The following CAMTA1 variants were observed in gnomAD, a reference collection of about 807,000 sequenced individuals.
The protein encoded by CAMTA1 is calmodulin-binding transcription activator 1.
In CAMTA1, 27 loss-of-function variants were observed where a neutral mutation model predicts 170.9. The observed-to-expected ratio is 0.16, with a 90% CI of 0.12 to 0.22. The LOEUF is 0.22. Ranked by LOEUF, CAMTA1 falls within the 10% of genes least tolerant of loss-of-function variation. The pLI is 1.00. For missense variants in CAMTA1, 1,619 were observed against 2,217.2 expected, an observed-to-expected ratio of 0.73 and a Z score of 5.42; for synonymous variants, 833 against 891.5, an observed-to-expected ratio of 0.93 and a Z score of 1.17.
chr1:7,458,395 A>G (rs2093010217), intron 5 of CAMTA1, among the ~76,000 whole-genome samples: 1 of 152,136 alleles, frequency 6.6e-6, no homozygotes, highest in African/African-American at 2.4e-5. Context: ...TCTTCCTTCC[A>G]GGAGGGTGGT....
At position 7,680,869 on chromosome 1, in the gene CAMTA1, A is replaced by AGCT. The variant is rs1410205305; in HGVS notation, c.2914+3138_2914+3139insTGC. The stretch of plus-strand genomic sequence containing the variant: ...GCGCGCGCGCGCGCGCGCCAGCAGC[A>AGCT]GCAGCAGCAGCAGCTGCTGCGGCGA... On this transcript the variant is annotated intron_variant, in intron 11 of 22. Transcript: ENST00000303635. The surrounding 1 kb of genome is among the most constrained non-coding windows in gnomAD (Gnocchi z 4.4). Among the ~76,000 whole-genome samples the AGCT allele has an allele frequency of 8.3e-5, 10 of 119,980 alleles. No individual in the cohort carries two copies. Among genetic ancestry groups the AGCT allele is most frequent in the Non-Finnish European group, 1.8e-4 (9 of 50,916 alleles). The allele number at this position is 119,980 out of a possible 152,430, so 78.7% of individuals were successfully genotyped here.
chr1:7,456,327 A>G lies in CAMTA1; in HGVS notation c.439-11503A>G, dbSNP rs1007711788. Among the ~76,000 whole-genome samples, 2 of 152,148 alleles carry G rather than the reference A, an allele frequency of 1.3e-5. No homozygotes were observed. The highest frequency in any genetic ancestry group is 4.8e-5 in the African/African-American group (2 of 41,434). On this transcript the variant is annotated intron_variant, in intron 5 of 22. Coordinates refer to ENST00000303635, the MANE Select transcript of CAMTA1 (RefSeq NM_015215.4). The surrounding 1 kb of genome is among the most constrained non-coding windows in gnomAD (Gnocchi z 4.9). ...GGAGCGGGAAGGAGGAAGGCAGGCC[A>G]TCACCAGTATACACCACTCTGGAGA...
At chr1:7,330,959 G>C (rs1356308517) in intron 5 of CAMTA1, among the ~76,000 whole-genome samples, 1 of 152,148 alleles carries the variant, frequency 6.6e-6, no homozygotes, top group Admixed American at 6.5e-5. Flanking sequence ...CATGGGGTTA[G>C]AGTCGGGTAC....
At chr1:7,034,365 G>A (rs4590691) in intron 3 of CAMTA1, among the ~76,000 whole-genome samples, 99,039 of 152,094 alleles carry the variant, frequency 0.65, 33,582 homozygotes, top group African/African-American at 0.86. Flanking sequence ...CATCTTGGCC[G>A]GGCTGGTCTT....
At chr1:7,528,320 A>G (rs570780225) in intron 6 of CAMTA1, among the ~76,000 whole-genome samples, 2 of 152,318 alleles carry the variant, frequency 1.3e-5, no homozygotes, top group South Asian at 4.1e-4. Flanking sequence ...CTAGCAATCC[A>G]TGTTCATTGA....
At chr1:7,520,583 G>A (rs893548892) in intron 6 of CAMTA1, among the ~76,000 whole-genome samples, 5 of 151,718 alleles carry the variant, frequency 3.3e-5, no homozygotes, top group African/African-American at 7.3e-5. Context: ...ATGGGCACCC[G>A]TCATCTGCCC....
At chr1:7,672,123 G>A (rs895697247) in intron 10 of CAMTA1, 10 of 452,474 alleles carry the variant, frequency 2.2e-5, no homozygotes, top group African/African-American at 6.0e-5. Flanking sequence ...GCAGGGGTGC[G>A]GAACGGCAGG....
At chr1:7,441,234 T>G (rs2092522999) in intron 5 of CAMTA1, 1 of 152,252 alleles carries the variant, frequency 6.6e-6, no homozygotes. Flanking sequence ...CTGTTCAAAC[T>G]GCTCCCCACA....
At chr1:6,995,987 T>C (rs1697192210) in intron 3 of CAMTA1, among the ~76,000 whole-genome samples, 1 of 152,188 alleles carries the variant, frequency 6.6e-6, no homozygotes, top group Non-Finnish European at 1.5e-5. Context: ...GAGTGAGAGC[T>C]CACCAAGGGA....
intron 4 of CAMTA1, among the ~76,000 whole-genome samples, chr1:7,179,968 A>G (rs1396647003): frequency 6.6e-6 from 1 of 152,224 alleles, no homozygotes. Flanking sequence ...AAACATTAAC[A>G]AATGAATGAA....
intron 3 of CAMTA1, among the ~76,000 whole-genome samples, chr1:6,960,924 G>A (rs536669064): frequency 6.6e-6 from 1 of 152,316 alleles, no homozygotes; most frequent in Admixed American, 6.5e-5. Context: ...TCTATGATGA[G>A]CCTGTTTTAC....
At chr1:7,004,983 G>T (rs1346605034) in intron 3 of CAMTA1, among the ~76,000 whole-genome samples, 1 of 152,186 alleles carries the variant, frequency 6.6e-6, no homozygotes, top group Non-Finnish European at 1.5e-5. Flanking sequence ...TGTTGGCCAG[G>T]CTGGTCTCAA....
intron 6 of CAMTA1, among the ~76,000 whole-genome samples, chr1:7,506,548 A>C (rs1373091026): frequency 1.3e-5 from 2 of 152,106 alleles, no homozygotes; most frequent in East Asian, 3.9e-4. Context: ...TATAATGTAC[A>C]CATGCTCACA....
chr1:6,986,860 T>G (rs1012381714), intron 3 of CAMTA1, among the ~76,000 whole-genome samples: 5 of 152,072 alleles, frequency 3.3e-5, no homozygotes, highest in Non-Finnish European at 7.4e-5. Context: ...GACGCACTCC[T>G]GCTGGTTTCT....
chr1:7,501,472 G>A lies in CAMTA1; in HGVS notation c.510+33571G>A, dbSNP rs139079033. ...CATTAGGGATGGCCTTGGGCTTGGC[G>A]GGGTGTGGGTTTTGGTGGGAAGAGG... On this transcript the variant is annotated intron_variant, in intron 6 of 22. Transcript: ENST00000303635. 4.1e-3 allele frequency among the ~76,000 whole-genome samples: 625 copies of A among 152,276 alleles called. 7 individuals carry two copies. Among genetic ancestry groups the A allele is most frequent in the African/African-American group, 0.014 (586 of 41,552 alleles).
At chr1:7,466,866 T>C (rs1249318085) in intron 5 of CAMTA1, among the ~76,000 whole-genome samples, 2 of 152,140 alleles carry the variant, frequency 1.3e-5, no homozygotes, top group Non-Finnish European at 2.9e-5. Context: ...CCTCTCCAAA[T>C]TGATGACCTG....
intron 6 of CAMTA1, among the ~76,000 whole-genome samples, chr1:7,578,184 C>T (rs182254644): frequency 6.6e-6 from 1 of 152,250 alleles, no homozygotes; most frequent in Admixed American, 6.5e-5. Context: ...TCTCTTGAAA[C>T]ACAGTTTAGG....
Position 7,249,387 on chromosome 1 carries a change from A to C in CAMTA1, c.303-104A>C. ...AAAAATTATGTTCCAGCAAATGTGG[A>C]ATATTGCTTTTCTGTAGAGACTTTT... On this transcript the variant is annotated intron_variant, in intron 4 of 22. Coordinates refer to ENST00000303635, the MANE Select transcript of CAMTA1 (RefSeq NM_015215.4). The surrounding 1 kb of genome is among the most constrained non-coding windows in gnomAD (Gnocchi z 4.4). The C allele has an allele frequency of 9.1e-7, 1 of 1,103,820 alleles. No homozygotes were observed. Among genetic ancestry groups the C allele is most frequent in the Non-Finnish European group, 1.3e-6 (1 of 772,652 alleles). 68.4% of individuals were successfully genotyped at this position (1,103,820 alleles called of 1,614,324 possible). A position where few individuals can be genotyped will look rare whatever the true frequency, so the allele number is the denominator to read the frequency against.
At chr1:7,351,092 G>T (rs548326866) in intron 5 of CAMTA1, among the ~76,000 whole-genome samples, 5 of 152,194 alleles carry the variant, frequency 3.3e-5, no homozygotes, top group Non-Finnish European at 5.9e-5. Context: ...CCTCAGCGTC[G>T]TAGGAAACCT....
Sources: gnomAD v4.1 joint callset for allele counts (sites outside exome capture counted in the v4.1 genomes callset) on GRCh38, gnomAD v4.1.1 for gene constraint, Gnocchi (gnomAD v3.1) non-coding constraint, MANE v1.5 for transcripts, NCBI Gene and HGNC (gene_info 2026-07-23, HGNC 2026-07-21) for gene names.